Variants in DLC1 observed in about 807,000 individuals in gnomAD.
DLC1 encodes DLC1 Rho GTPase activating protein.
Under a neutral mutation model 140.3 loss-of-function variants are expected in DLC1, and 54 were observed. That is an observed-to-expected ratio of 0.38 (90% CI 0.31 to 0.48). The LOEUF (loss-of-function observed/expected upper bound fraction) is 0.48, where lower values mean the gene tolerates loss of function less well. Ranked by LOEUF, DLC1 falls within the 20% of genes least tolerant of loss-of-function variation. The pLI, the probability that DLC1 is intolerant of heterozygous loss-of-function variation, is 0.96. For missense variants in DLC1, 2,536 were observed against 1,907.0 expected, an observed-to-expected ratio of 1.33 and a Z score of -6.14; for synonymous variants, 986 against 728.1, an observed-to-expected ratio of 1.35 and a Z score of -5.70.
chr8:13,256,725 G>T (rs1286406927), intron 5 of DLC1, among the ~76,000 whole-genome samples: 2 of 152,038 alleles, frequency 1.3e-5, no homozygotes, highest in African/African-American at 2.4e-5. Context: ...GCCTGTTGGC[G>T]GGTGGGGGCA....
At chr8:13,233,647 A>G (rs1829155434) in intron 5 of DLC1, among the ~76,000 whole-genome samples, 1 of 152,188 alleles carries the variant, frequency 6.6e-6, no homozygotes, top group Non-Finnish European at 1.5e-5. Context: ...GTCAATATGT[A>G]CCACATCTTC....
rs143306230 is a variant in DLC1, at chr8:13,416,329, C to T, written c.1024-14710G>A. On this transcript the variant is annotated intron_variant, in intron 2 of 17. Coordinates refer to ENST00000276297, the MANE Select transcript of DLC1 (RefSeq NM_182643.3). ...TGAAAACAATCTCCATAACCTAATA[C>T]TGAAAACAAAAGGAAGTTGCAAAAT... Among the ~76,000 whole-genome samples, 891 of 152,170 alleles carry T rather than the reference C, an allele frequency of 5.9e-3. 11 individuals are homozygous for T. Among genetic ancestry groups the T allele is most frequent in the African/African-American group, 0.021 (862 of 41,534 alleles).
intron 1 of DLC1, among the ~76,000 whole-genome samples, chr8:13,510,320 C>T (rs1211314316): frequency 6.6e-6 from 1 of 152,084 alleles, no homozygotes; most frequent in South Asian, 2.1e-4. Context: ...ATTACAGGTG[C>T]CTGCTACCAT....
At chr8:13,529,671 C>T (rs1803034498) in intron 1 of DLC1, among the ~76,000 whole-genome samples, 2 of 152,058 alleles carry the variant, frequency 1.3e-5, no homozygotes, top group African/African-American at 4.8e-5. Flanking sequence ...TGAGAGAGAG[C>T]CTCCGAATGG....
intron 2 of DLC1, among the ~76,000 whole-genome samples, chr8:13,476,237 C>T (rs964941096): frequency 3.9e-5 from 6 of 152,180 alleles, no homozygotes; most frequent in Non-Finnish European, 8.8e-5. Flanking sequence ...TTTCTGTGAA[C>T]ATCCAATGAT....
At position 13,214,472 on chromosome 8, in the gene DLC1, T is replaced by G. The variant is rs1828095734; in HGVS notation, c.1348+90797A>C. On this transcript the variant is annotated intron_variant, in intron 5 of 17. Coordinates refer to ENST00000276297, the MANE Select transcript of DLC1 (RefSeq NM_182643.3). ...ATGACCTGTGGTCTGTGCTGACTGTTGGTATCTCAGGTTTCTCTTATCATT... is the reference window on the plus strand; with the variant it reads ...ATGACCTGTGGTCTGTGCTGACTGTGGGTATCTCAGGTTTCTCTTATCATT... 32 of 647,756 alleles carry G rather than the reference T, an allele frequency of 4.9e-5. No homozygotes were observed. In the South Asian group the frequency reaches 5.9e-4, roughly 12 times the overall value. 40.1% of individuals were successfully genotyped at this position (647,756 alleles called of 1,614,324 possible).
At chr8:13,573,610 T>C in intron 1 of DLC1, among the ~76,000 whole-genome samples, 1 of 152,210 alleles carries the variant, frequency 6.6e-6, no homozygotes, top group East Asian at 1.9e-4. Flanking sequence ...CATTTTCATG[T>C]TGGGAAAGTT....
chr8:13,541,814 G>T (rs1803495124), intron 1 of DLC1, among the ~76,000 whole-genome samples: 1 of 152,174 alleles, frequency 6.6e-6, no homozygotes, highest in Non-Finnish European at 1.5e-5. Flanking sequence ...CTCCCAAAGT[G>T]CTGGGATTAC....
intron 4 of DLC1, among the ~76,000 whole-genome samples, chr8:13,344,145 A>G (rs6989950): frequency 0.89 from 135,841 of 152,268 alleles, 61,114 homozygotes; most frequent in East Asian, 0.97. Flanking sequence ...AAAATTCTGT[A>G]TCTTGAGCTG....
chr8:13,385,093 G>A (rs1231628665), intron 4 of DLC1, among the ~76,000 whole-genome samples: 1 of 152,136 alleles, frequency 6.6e-6, no homozygotes, highest in Non-Finnish European at 1.5e-5. Flanking sequence ...AGTTTTGGGG[G>A]TGCCCTAGAG....
At chr8:13,253,080 A>C (rs1830079854) in intron 5 of DLC1, among the ~76,000 whole-genome samples, 1 of 152,216 alleles carries the variant, frequency 6.6e-6, no homozygotes, top group African/African-American at 2.4e-5. Flanking sequence ...CAAAACTTGC[A>C]ATAACATACA....
At chr8:13,565,308 A>T (rs1045772328) in intron 1 of DLC1, among the ~76,000 whole-genome samples, 1 of 152,196 alleles carries the variant, frequency 6.6e-6, no homozygotes, top group African/African-American at 2.4e-5. Flanking sequence ...GATAGATTTT[A>T]TTTTAAGTAT....
intron 4 of DLC1, among the ~76,000 whole-genome samples, chr8:13,388,687 T>C (rs1049234829): frequency 6.6e-6 from 1 of 151,986 alleles, no homozygotes; most frequent in African/African-American, 2.4e-5. Flanking sequence ...TGTGAATATA[T>C]GTACACACAC....
intron 2 of DLC1, among the ~76,000 whole-genome samples, chr8:13,405,917 T>TTTTCTTTCTTTC (rs71207150): frequency 0.11 from 9,599 of 84,812 alleles, 795 homozygotes; most frequent in East Asian, 0.17. Context: ...CTTTCTTTTC[T>TTTTCTTTCTTTC]TTTCTTTCTT....
intron 5 of DLC1, among the ~76,000 whole-genome samples, chr8:13,197,190 T>A (rs948938012): frequency 3.9e-5 from 6 of 152,194 alleles, no homozygotes; most frequent in Non-Finnish European, 8.8e-5. Context: ...CTTCAAAATT[T>A]CGGAAATGTT....
At chr8:13,516,456 T>C (rs1268203899), upstream of DLC1, among the ~76,000 whole-genome samples, 3 of 152,228 alleles carry the variant, frequency 2.0e-5, no homozygotes, top group African/African-American at 4.8e-5. Context: ...AACTCAAAGA[T>C]GCACAAGGTT....
intron 3 of DLC1, among the ~76,000 whole-genome samples, chr8:13,399,371 C>T (rs1837197269): frequency 6.6e-6 from 1 of 152,124 alleles, no homozygotes; most frequent in South Asian, 2.1e-4. Context: ...ATCTCACCTG[C>T]TGGGTGACCT....
intron 1 of DLC1, among the ~76,000 whole-genome samples, chr8:13,559,893 C>T (rs974937992): frequency 2.7e-5 from 4 of 150,264 alleles, no homozygotes; most frequent in Admixed American, 1.3e-4. Context: ...AATAGCACTG[C>T]CCAAAGGCTG....
chr8:13,221,279 A>G (rs772839646), intron 5 of DLC1, among the ~76,000 whole-genome samples: 2 of 152,202 alleles, frequency 1.3e-5, no homozygotes, highest in Non-Finnish European at 2.9e-5. Context: ...TAGATTGGGA[A>G]GAGCCCTCAA....
Sources: gnomAD v4.1 joint callset for allele counts (sites outside exome capture counted in the v4.1 genomes callset) on GRCh38, gnomAD v4.1.1 for gene constraint, MANE v1.5 for transcripts, NCBI Gene and HGNC (gene_info 2026-07-23, HGNC 2026-07-21) for gene names.